The following KCTD17 variants were observed in gnomAD, a reference collection of about 807,000 sequenced individuals.
KCTD17 encodes BTB/POZ domain-containing protein KCTD17.
A neutral mutation model predicts 41.5 loss-of-function variants in KCTD17; 20 were observed. The ratio of observed to expected loss-of-function variants is 0.48; its 90% confidence interval spans 0.34 to 0.70. KCTD17 has a LOEUF of 0.70. KCTD17 is among the 30% of genes least tolerant of loss of function. The pLI, the probability that KCTD17 is intolerant of heterozygous loss-of-function variation, is 0.01. For missense variants in KCTD17, 317 were observed against 427.2 expected, an observed-to-expected ratio of 0.74 and a Z score of 2.27; for synonymous variants, 156 against 173.8, an observed-to-expected ratio of 0.90 and a Z score of 0.80.
intron 4 of KCTD17, among the ~76,000 whole-genome samples, chr22:37,058,637 G>A (rs551718642): frequency 6.6e-6 from 1 of 152,308 alleles, no homozygotes; most frequent in South Asian, 2.1e-4. Context: ...CCTGAGAGCT[G>A]AATGAGACTC....
At chr22:37,052,733 G>A in intron 1 of KCTD17, 1 of 451,518 alleles carries the variant, frequency 2.2e-6, no homozygotes, top group South Asian at 1.6e-5. Context: ...GAAAGCCTAG[G>A]GACCTGGGGG....
chr22:37,061,488 C>G lies in KCTD17; in HGVS notation c.785-51C>G. 3.8e-6 allele frequency: 6 copies of G among 1,565,234 alleles called. No homozygotes were observed. Among genetic ancestry groups the G allele is most frequent in the Non-Finnish European group, 5.2e-6 (6 of 1,160,532 alleles). On this transcript the variant is annotated intron_variant, in intron 7 of 8. Transcript: ENST00000403888. This position sits in a 1 kb window ranked among gnomAD's most constrained non-coding sequence, Gnocchi z 6.6. ...TGAGACTGGGCCCTGGCTGCAGGCCCTGCCCCCCCTCCTCTCCTCCCGGCC... is the reference window on the plus strand; with the variant it reads ...TGAGACTGGGCCCTGGCTGCAGGCCGTGCCCCCCCTCCTCTCCTCCCGGCC...
chr22:37,060,003 G>A (rs1421995800), intron 5 of KCTD17, among the ~76,000 whole-genome samples: 1 of 152,172 alleles, frequency 6.6e-6, no homozygotes, highest in Non-Finnish European at 1.5e-5. Flanking sequence ...GGGGCAGCCT[G>A]GTGGCTGCCA....
At chr22:37,054,780 G>T (rs1924901152) in intron 2 of KCTD17, among the ~76,000 whole-genome samples, 1 of 152,170 alleles carries the variant, frequency 6.6e-6, no homozygotes, top group Non-Finnish European at 1.5e-5. Flanking sequence ...GCTCCGCCCA[G>T]GGCACTGGGG....
rs2145972098 is a variant in KCTD17 at position 37,056,353 on chromosome 22, G to A, written c.332G>A (p.Gly111Asp). Reference protein sequence around the residue: ...VLEEAEFYNIGPLIRIIKDRM... With the variant: ...VLEEAEFYNIDPLIRIIKDRM... ...GAGGAAGCCGAGTTCTACAACATCG[G>A]CCCGCTGATCCGCATCATCAAAGAC... Residue 111 changes from glycine to aspartate, a missense_variant, in exon 3 of 9, where the codon GGC becomes GAC. Gly to Asp is a moderately conservative substitution (Grantham distance 94). This residue lies in a region of KCTD17 where 99 missense variants were observed against 166.5 expected (regional missense o/e 0.59). Transcript: ENST00000403888. 6.2e-7 allele frequency: 1 copy of A among 1,613,628 alleles called. No homozygotes were observed. Among genetic ancestry groups the A allele is most frequent in the Admixed American group, 1.7e-5 (1 of 59,972 alleles).
intron 4 of KCTD17, 30 bp from the exon 5 acceptor site, chr22:37,059,283 C>T: frequency 6.2e-7 from 1 of 1,609,676 alleles, no homozygotes; most frequent in Non-Finnish European, 8.5e-7. Flanking sequence ...CACCAACCTG[C>T]ATTTTTCTCC....
Position 37,061,207 on chromosome 22 carries a change from C to T in KCTD17, c.784+32C>T. Reference sequence around the variant, plus strand: ...CCTCATCTTCATCCACCTCTTCTTCCTCCTGGATCTCATCTGCACCCTGCC... The same window carrying T: ...CCTCATCTTCATCCACCTCTTCTTCTTCCTGGATCTCATCTGCACCCTGCC... On this transcript the variant is annotated intron_variant, in intron 7 of 8. Coordinates refer to ENST00000403888, the MANE Select transcript of KCTD17 (RefSeq NM_001282684.2). The surrounding 1 kb of genome is among the most constrained non-coding windows in gnomAD (Gnocchi z 6.6). The T allele has an allele frequency of 6.4e-7, 1 of 1,550,628 alleles. No homozygotes were observed. Among genetic ancestry groups the T allele is most frequent in the Non-Finnish European group, 8.7e-7 (1 of 1,146,994 alleles).
intron 5 of KCTD17, 152 bp downstream of exon 5, chr22:37,059,590 C>A: frequency 1.1e-6 from 1 of 891,646 alleles, no homozygotes; most frequent in Non-Finnish European, 1.7e-6. Context: ...CGCCATCCAT[C>A]CCATGCCACC....
intron 4 of KCTD17, among the ~76,000 whole-genome samples, chr22:37,059,061 C>T (rs1925464725): frequency 6.6e-6 from 1 of 152,190 alleles, no homozygotes; most frequent in African/African-American, 2.4e-5. Flanking sequence ...TGCCACCCTC[C>T]ACCAGGGATC....
intron 4 of KCTD17, among the ~76,000 whole-genome samples, 184 bp from the exon 5 acceptor site, chr22:37,059,129 T>C (rs1198948288): frequency 1.3e-5 from 2 of 152,230 alleles, no homozygotes; most frequent in Admixed American, 6.5e-5. Context: ...AGGCACAGGT[T>C]GCAAGGGGGA....
chr22:37,063,208 G>C lies in KCTD17; in HGVS notation c.*614G>C, dbSNP rs1391022533. The C allele has an allele frequency of 6.5e-6, 1 of 152,786 alleles. No individual in the cohort carries two copies. Among genetic ancestry groups the C allele is most frequent in the Admixed American group, 6.5e-5 (1 of 15,320 alleles). The allele number at this position is 152,786 out of a possible 1,614,324, so 9.5% of individuals were successfully genotyped here. On this transcript the variant is annotated 3_prime_UTR_variant, in exon 9 of 9. Coordinates refer to ENST00000403888, the MANE Select transcript of KCTD17 (RefSeq NM_001282684.2). This position sits in a 1 kb window ranked among gnomAD's most constrained non-coding sequence, Gnocchi z 4.6. Reference sequence around the variant, plus strand: ...GCATTGCTGGCCCAGCGCCTGGCCTGGGGGGCGGGGAGAGGCAGCAGAAGG... The same window carrying C: ...GCATTGCTGGCCCAGCGCCTGGCCTCGGGGGCGGGGAGAGGCAGCAGAAGG...
At chr22:37,060,595 C>G (rs569316304) in intron 5 of KCTD17, among the ~76,000 whole-genome samples, 1 of 152,322 alleles carries the variant, frequency 6.6e-6, no homozygotes, top group Non-Finnish European at 1.5e-5. Flanking sequence ...CAGGCTGACC[C>G]CGGAGCATGC....
chr22:37,051,957 C>A lies in KCTD17; in HGVS notation c.189+8C>A. The stretch of plus-strand genomic sequence containing the variant: ...GAGCTGCAGTCGGACCGGGTGAGGC[C>A]CCCGGGGTGGGCGGCGAGCGGGCGG... On this transcript the variant is annotated splice_region_variant and intron_variant, in intron 1 of 8. Transcript: ENST00000403888. 6.8e-7 allele frequency: 1 copy of A among 1,461,536 alleles called. No homozygotes were observed. The allele number at this position is 1,461,536 out of a possible 1,614,324, so 90.5% of individuals were successfully genotyped here. A position where few individuals can be genotyped will look rare whatever the true frequency, so the allele number is the denominator to read the frequency against.
Position 37,062,642 on chromosome 22 carries a change from AG to A in KCTD17, c.*49del. 1 of 1,587,798 alleles carries A rather than the reference AG, an allele frequency of 6.3e-7. No individual in the cohort carries two copies. Among genetic ancestry groups the A allele is most frequent in the Non-Finnish European group, 8.6e-7 (1 of 1,166,386 alleles). On this transcript the variant is annotated 3_prime_UTR_variant, in exon 9 of 9. Transcript: ENST00000403888. The stretch of plus-strand genomic sequence containing the variant: ...GGGTGGGCCCCGGGCCTGAGAAGGA[AG>A]AAGCACCCTCTCCCCGGCCTCCTCT...
At chr22:37,052,838 A>T (rs1301528740) in intron 1 of KCTD17, among the ~76,000 whole-genome samples, 1 of 152,186 alleles carries the variant, frequency 6.6e-6, no homozygotes, top group Non-Finnish European at 1.5e-5. Context: ...CTCTCACCGG[A>T]TGCTCACAGC....
chr22:37,053,275 A>G lies in KCTD17; in HGVS notation c.298+67A>G. On this transcript the variant is annotated intron_variant, in intron 2 of 8. Transcript: ENST00000403888. This position sits in a 1 kb window ranked among gnomAD's most constrained non-coding sequence, Gnocchi z 4.1. ...GCCAGGGCCCTCTGTGGAGGCCCCAAGCCATTTGGACAACCAGGACGGCCA... is the reference window on the plus strand; with the variant it reads ...GCCAGGGCCCTCTGTGGAGGCCCCAGGCCATTTGGACAACCAGGACGGCCA... The G allele has an allele frequency of 4.9e-6, 6 of 1,230,644 alleles. No individual in the cohort carries two copies. The highest frequency in any genetic ancestry group is 5.8e-6 in the Non-Finnish European group (5 of 857,202). 76.2% of individuals were successfully genotyped at this position (1,230,644 alleles called of 1,614,324 possible).
chr22:37,059,727 G>T (rs901877009), intron 5 of KCTD17, among the ~76,000 whole-genome samples: 2 of 152,192 alleles, frequency 1.3e-5, no homozygotes, highest in African/African-American at 4.8e-5. Flanking sequence ...CATGGACTAG[G>T]GGTCAGGGCA....
intron 8 of KCTD17, 131 bp from the exon 9 acceptor site, chr22:37,062,394 C>G (rs1925895983): frequency 7.1e-7 from 1 of 1,402,704 alleles, no homozygotes; most frequent in Admixed American, 2.5e-5. Context: ...TGTGACTCAA[C>G]TGCCTCTCTC....
chr22:37,062,841 C>A lies in KCTD17; in HGVS notation c.*247C>A. 1 of 775,914 alleles carries A rather than the reference C, an allele frequency of 1.3e-6. No homozygotes were observed. The highest frequency in any genetic ancestry group is 3.1e-5 in the Admixed American group (1 of 32,114). The allele number at this position is 775,914 out of a possible 1,614,324, so 48.1% of individuals were successfully genotyped here. On this transcript the variant is annotated 3_prime_UTR_variant, in exon 9 of 9. Transcript: ENST00000403888. ...TCTCCGGCACCTGCGTCCCCTCTCC[C>A]GGGCTCCCCTGCTGCATGGTGGATG...
Sources: allele counts gnomAD v4.1 joint callset (sites outside exome capture counted in the v4.1 genomes callset), GRCh38; gene constraint gnomAD v4.1.1; regional missense constraint gnomAD v4.1.1; non-coding constraint Gnocchi (gnomAD v3.1); transcripts MANE v1.5; gene names NCBI Gene and HGNC (gene_info 2026-07-23, HGNC 2026-07-21).